OCIAD1: variants seen among roughly 807,000 people sequenced by gnomAD.
OCIAD1 encodes the protein OCIA domain-containing protein 1.
OCIAD1 carries 29 observed loss-of-function variants against 38.9 expected under a neutral mutation model. That is an observed-to-expected ratio of 0.74 (90% confidence interval 0.55 to 1.02). The LOEUF (loss-of-function observed/expected upper bound fraction) is 1.02. Among genes scored for constraint, OCIAD1 ranks in the 50% least tolerant of loss-of-function variants. The pLI is 0.00. For synonymous variants in OCIAD1, 110 were observed against 92.0 expected (o/e 1.20, Z -1.12); for missense variants, 288 against 289.6 (o/e 0.99, Z 0.04).
chr4:48,806,884 G>T (rs1186878600), intron 1 of OCIAD1, among the ~76,000 whole-genome samples: 2 of 152,142 alleles, frequency 1.3e-5, no homozygotes, highest in Non-Finnish European at 2.9e-5. Context: ...GATTACAGGC[G>T]TGAGCAACCC....
At position 48,843,670 on chromosome 4, in the gene OCIAD1, A is replaced by C. The variant is rs1401247635; in HGVS notation, c.193+981A>C. 2.0e-5 allele frequency among the ~76,000 whole-genome samples: 3 copies of C among 152,306 alleles called. No individual in the cohort carries two copies. In the East Asian group the frequency reaches 5.8e-4, roughly 29 times the overall value. On this transcript the variant is annotated intron_variant, in intron 4 of 8. Transcript: ENST00000264312. ...TATGCACTTATATGTCCTTAAGACT[A>C]AGCTGTTTTATAGACTGAGATTGGT...
chr4:48,850,871 G>A (rs1779395000), intron 6 of OCIAD1, among the ~76,000 whole-genome samples: 1 of 152,188 alleles, frequency 6.6e-6, no homozygotes, highest in Admixed American at 6.5e-5. Flanking sequence ...CACTGCATCT[G>A]GCCTTCATTG....
upstream of OCIAD1, among the ~76,000 whole-genome samples, chr4:48,828,442 C>A (rs1777273759): frequency 6.6e-6 from 1 of 152,176 alleles, no homozygotes; most frequent in Admixed American, 6.5e-5. Flanking sequence ...GCAGCGGCAA[C>A]CCACTCAGGT....
At chr4:48,812,407 T>C (rs1290594488) in intron 1 of OCIAD1, among the ~76,000 whole-genome samples, 2 of 147,100 alleles carry the variant, frequency 1.4e-5, no homozygotes, top group Admixed American at 6.8e-5. Flanking sequence ...TACCGAGATG[T>C]CCAAGGCCTG....
intron 3 of OCIAD1, among the ~76,000 whole-genome samples, chr4:48,836,284 A>AT (rs758127744): frequency 2.7e-4 from 41 of 152,188 alleles, no homozygotes; most frequent in Non-Finnish European, 3.2e-4. Flanking sequence ...AAATAAAAGG[A>AT]TTTTTTAAAA....
chr4:48,805,396 G>A (rs145570162), intron 1 of OCIAD1: 92 of 152,278 alleles, frequency 6.0e-4, no homozygotes, highest in African/African-American at 2.1e-3. Flanking sequence ...CAAAAACTGC[G>A]AGATAATAAA....
rs1483835744 is a variant in OCIAD1 at position 48,860,820 on chromosome 4, T to C, written c.*58T>C. On this transcript the variant is annotated 3_prime_UTR_variant, in exon 9 of 9. Transcript: ENST00000264312. ...ACATCCAGCTTCATCTAGGTGGTCA[T>C]GATTACCTGCATGCTTTGAGCTCAG... 10 of 1,210,374 alleles carry C rather than the reference T, an allele frequency of 8.3e-6. No homozygotes were observed. The highest frequency in any genetic ancestry group is 2.5e-5 in the South Asian group (2 of 81,156). The allele number at this position is 1,210,374 out of a possible 1,614,324, so 75.0% of individuals were successfully genotyped here.
At chr4:48,849,700 T>C (rs1779261042) in intron 5 of OCIAD1, among the ~76,000 whole-genome samples, 3 of 152,222 alleles carry the variant, frequency 2.0e-5, no homozygotes, top group African/African-American at 7.2e-5. Flanking sequence ...TATACTATAA[T>C]TGATTTATTT....
intron 1 of OCIAD1, among the ~76,000 whole-genome samples, chr4:48,808,539 G>T (rs1005703028): frequency 4.0e-5 from 6 of 151,570 alleles, no homozygotes; most frequent in Admixed American, 1.3e-4. Flanking sequence ...CCTGAGGGCT[G>T]CTCCCTTATT....
intron 8 of OCIAD1, chr4:48,860,100 AAGTAAAGGAGTAGAATAGAC>A (rs1718402018): frequency 1.3e-5 from 2 of 152,372 alleles, no homozygotes; most frequent in Admixed American, 1.3e-4. Flanking sequence ...AGAAGCAAAA[AAGTAAAGGAGTAGAATAGAC>A]AGCGGAGCAT....
chr4:48,850,160 A>G (rs1779307252), intron 6 of OCIAD1, 78 bp downstream of exon 6: 1 of 1,468,742 alleles, frequency 6.8e-7, no homozygotes, highest in Non-Finnish European at 9.3e-7. Context: ...TCATGGCTCA[A>G]AAACATTGCC....
chr4:48,848,465 G>T lies in OCIAD1; in HGVS notation c.241+19G>T, dbSNP rs767061475. ...CTTATACGTAAGTATGAACAACATT[G>T]TAGTTTTCATAGCTTTTTAAAACTT... On this transcript the variant is annotated intron_variant, in intron 5 of 8. Coordinates refer to ENST00000264312, the MANE Select transcript of OCIAD1 (RefSeq NM_017830.4). The T allele has an allele frequency of 2.3e-6, 3 of 1,295,090 alleles. No homozygotes were observed. The highest frequency in any genetic ancestry group is 3.3e-6 in the Non-Finnish European group (3 of 917,134). 80.2% of individuals were successfully genotyped at this position (1,295,090 alleles called of 1,614,324 possible).
chr4:48,815,992 C>A (rs1356013319), intron 1 of OCIAD1, among the ~76,000 whole-genome samples: 1 of 152,158 alleles, frequency 6.6e-6, no homozygotes, highest in Non-Finnish European at 1.5e-5. Context: ...CCCTACTTAG[C>A]TTCAATTCCA....
chr4:48,832,497 T>G (rs1314230328), intron 1 of OCIAD1, 123 bp from the exon 2 acceptor site: 1 of 739,138 alleles, frequency 1.4e-6, no homozygotes, highest in Non-Finnish European at 2.4e-6. Context: ...TAGTAGTGTT[T>G]AATAAATATT....
At chr4:48,809,437 T>A (rs1777063449) in intron 1 of OCIAD1, among the ~76,000 whole-genome samples, 1 of 151,808 alleles carries the variant, frequency 6.6e-6, no homozygotes, top group Admixed American at 6.6e-5. Context: ...AGGCAGGGAG[T>A]ACTGCTTGAA....
At chr4:48,857,420 T>G (rs1780145996) in intron 8 of OCIAD1, 55 bp downstream of exon 8, 2 of 1,152,138 alleles carry the variant, frequency 1.7e-6, no homozygotes, top group African/African-American at 3.2e-5. Context: ...ACTAAAACAT[T>G]ACTTTAAAAC....
intron 4 of OCIAD1, among the ~76,000 whole-genome samples, chr4:48,843,220 T>G (rs1778689953): frequency 6.6e-6 from 1 of 152,176 alleles, no homozygotes; most frequent in Non-Finnish European, 1.5e-5. Flanking sequence ...TGTCCTAAAG[T>G]CTATTGGCTC....
chr4:48,841,718 C>T (rs894416113), intron 3 of OCIAD1, among the ~76,000 whole-genome samples: 7 of 152,140 alleles, frequency 4.6e-5, no homozygotes, highest in African/African-American at 1.7e-4. Flanking sequence ...GTTGGTCACT[C>T]AAAGACCAAC....
intron 4 of OCIAD1, among the ~76,000 whole-genome samples, chr4:48,844,874 T>C (rs1778844962): frequency 1.3e-5 from 2 of 152,218 alleles, no homozygotes; most frequent in East Asian, 1.9e-4. Context: ...CCTAAGACTA[T>C]GTAAACACTA....
Sources: allele counts gnomAD v4.1 joint callset (sites outside exome capture counted in the v4.1 genomes callset), GRCh38; gene constraint gnomAD v4.1.1; transcripts MANE v1.5; gene names NCBI Gene and HGNC (gene_info 2026-07-23, HGNC 2026-07-21).